The following PPP2R2C variants were observed in gnomAD, a reference collection of about 807,000 sequenced individuals.
PPP2R2C encodes protein phosphatase 2, regulatory subunit B, gamma.
Under a neutral mutation model 45.3 loss-of-function variants are expected in PPP2R2C, and 10 were observed. That is an observed-to-expected ratio of 0.22 (90% CI 0.14 to 0.37). The LOEUF (loss-of-function observed/expected upper bound fraction) is 0.37, where lower values mean the gene tolerates loss of function less well. PPP2R2C is among the 10% of genes least tolerant of loss of function. PPP2R2C has a pLI of 1.00. For synonymous variants in PPP2R2C, 257 were observed against 245.4 expected (o/e 1.05, Z -0.44); for missense variants, 308 against 619.7 (o/e 0.50, Z 5.34).
intron 5 of PPP2R2C, among the ~76,000 whole-genome samples, chr4:6,352,569 A>G (rs930351110): frequency 6.6e-6 from 1 of 152,090 alleles, no homozygotes; most frequent in African/African-American, 2.4e-5. Flanking sequence ...TTCCCTTCCA[A>G]TCACACTCTA....
chr4:6,333,486 G>A (rs1033781865), intron 7 of PPP2R2C, 76 bp downstream of exon 7: 1 of 1,521,158 alleles, frequency 6.6e-7, no homozygotes, highest in Non-Finnish European at 8.9e-7. Context: ...CGCCTGGCTA[G>A]GAAGGCCCCC....
intron 1 of PPP2R2C, among the ~76,000 whole-genome samples, chr4:6,424,251 C>T (rs1426770965): frequency 6.6e-6 from 1 of 152,350 alleles, no homozygotes; most frequent in East Asian, 1.9e-4. Flanking sequence ...ACTGTCCCAT[C>T]ATCACCCTCA....
chr4:6,364,482 G>GT lies in PPP2R2C; in HGVS notation c.625+8040dup, dbSNP rs562722645. 6.7e-3 allele frequency among the ~76,000 whole-genome samples: 995 copies of GT among 149,214 alleles called. 10 individuals carry two copies. The highest frequency in any genetic ancestry group is 0.023 in the African/African-American group (918 of 40,760). ...GAGCAAGGAGTGACATGATCTTGTCGTTTTTTTTTTTCTCATGTTGTAGGA... is the reference window on the plus strand; with the variant it reads ...GAGCAAGGAGTGACATGATCTTGTCGTTTTTTTTTTTTCTCATGTTGTAGGA... On this transcript the variant is annotated intron_variant, in intron 5 of 8. Transcript: ENST00000382599. The surrounding 1 kb of genome is among the most constrained non-coding windows in gnomAD (Gnocchi z 5.3).
chr4:6,388,757 T>C (rs1716399795), intron 1 of PPP2R2C, among the ~76,000 whole-genome samples: 1 of 151,622 alleles, frequency 6.6e-6, no homozygotes, highest in Non-Finnish European at 1.5e-5. Context: ...TGGAACAGAG[T>C]CCTCCCTGGA....
At chr4:6,351,731 C>T (rs368833616) in intron 5 of PPP2R2C, among the ~76,000 whole-genome samples, 2 of 152,042 alleles carry the variant, frequency 1.3e-5, no homozygotes, top group East Asian at 1.9e-4. Flanking sequence ...GTAAGATCTC[C>T]GTGGGGAGGC....
chr4:6,492,472 C>T (rs1352395851), intron 2 of PPP2R2C, among the ~76,000 whole-genome samples: 2 of 152,220 alleles, frequency 1.3e-5, no homozygotes, highest in South Asian at 2.1e-4. Context: ...CACTCCAAGG[C>T]CTCTGCCCAC....
At chr4:6,473,248 A>C (rs1722012689), upstream of PPP2R2C, among the ~76,000 whole-genome samples, 1 of 152,134 alleles carries the variant, frequency 6.6e-6, no homozygotes, top group African/African-American at 2.4e-5. Context: ...ATACAGAGCT[A>C]GGTACCTCCA....
At chr4:6,497,479 A>G (rs1224795353) in intron 2 of PPP2R2C, among the ~76,000 whole-genome samples, 1 of 152,192 alleles carries the variant, frequency 6.6e-6, no homozygotes, top group East Asian at 1.9e-4. Flanking sequence ...GAAAAGAAAA[A>G]AAAATTAAAA....
Position 6,375,878 on chromosome 4 carries a change from AT to A in PPP2R2C, c.387del (p.Tyr130ThrfsTer3), listed in dbSNP as rs1715260702. 6.2e-7 allele frequency: 1 copy of A among 1,614,072 alleles called. No homozygotes were observed. Among genetic ancestry groups the A allele is most frequent in the Non-Finnish European group, 8.5e-7 (1 of 1,180,026 alleles). On this transcript the variant is annotated frameshift_variant, in exon 4 of 9. Coordinates refer to ENST00000382599, the MANE Select transcript of PPP2R2C (RefSeq NM_020416.4). LOFTEE classifies it high-confidence loss of function. The part of the protein sequence containing the change: ...KITERDKRPE[G>X]YNLKDEEGKL... ...TTCCCCTCTTCATCCTTCAGGTTGTATCCTTCGGGCCTTTTATCTCGTTCGG... is the reference window on the plus strand; with the variant it reads ...TTCCCCTCTTCATCCTTCAGGTTGTACCTTCGGGCCTTTTATCTCGTTCGG...
intron 2 of PPP2R2C, among the ~76,000 whole-genome samples, chr4:6,535,025 G>C (rs968247468): frequency 5.9e-5 from 9 of 152,260 alleles, no homozygotes; most frequent in African/African-American, 2.2e-4. Flanking sequence ...GGCGCATGAA[G>C]GGGGCCTCAC....
intron 2 of PPP2R2C, among the ~76,000 whole-genome samples, chr4:6,505,629 A>C (rs1410023445): frequency 6.6e-6 from 1 of 152,236 alleles, no homozygotes; most frequent in African/African-American, 2.4e-5. Flanking sequence ...GCAGAGATAG[A>C]GATTTAAAAG....
intron 2 of PPP2R2C, among the ~76,000 whole-genome samples, chr4:6,520,544 C>G (rs1364663439): frequency 2.0e-5 from 3 of 152,198 alleles, no homozygotes; most frequent in Admixed American, 6.5e-5. Flanking sequence ...AGGGCCATCC[C>G]CAGGGCACAA....
At chr4:6,337,110 G>GTATA (rs1207923428) in intron 6 of PPP2R2C, among the ~76,000 whole-genome samples, 427 of 41,152 alleles carry the variant, frequency 0.01, 3 homozygotes, top group Middle Eastern at 0.024. Flanking sequence ...GTATGTGTGT[G>GTATA]TGTATATATA....
At chr4:6,339,001 C>T (rs763818988) in intron 6 of PPP2R2C, among the ~76,000 whole-genome samples, 2 of 152,364 alleles carry the variant, frequency 1.3e-5, no homozygotes, top group African/African-American at 2.4e-5. Flanking sequence ...AATAAAACTA[C>T]GGAGGGATTC....
chr4:6,373,110 C>T (rs1425341507), intron 4 of PPP2R2C, among the ~76,000 whole-genome samples: 1 of 152,204 alleles, frequency 6.6e-6, no homozygotes, highest in East Asian at 1.9e-4. Context: ...GACATGGCCA[C>T]ATGACTAGTT....
intron 1 of PPP2R2C, among the ~76,000 whole-genome samples, chr4:6,538,618 A>G (rs977596989): frequency 1.3e-5 from 2 of 152,208 alleles, no homozygotes; most frequent in Non-Finnish European, 2.9e-5. Context: ...TAAAACCTCA[A>G]GTCATCCACC....
chr4:6,385,346 T>C (rs1481510061), intron 1 of PPP2R2C, among the ~76,000 whole-genome samples: 1 of 152,206 alleles, frequency 6.6e-6, no homozygotes, highest in African/African-American at 2.4e-5. Flanking sequence ...CTTCAGGATT[T>C]GCCTTAGGAA....
chr4:6,359,625 A>G (rs1045542769), intron 5 of PPP2R2C, among the ~76,000 whole-genome samples: 1 of 22,472 alleles, frequency 4.4e-5, no homozygotes, highest in Non-Finnish European at 1.5e-4. Flanking sequence ...TTTCACCTGT[A>G]AAAAAAAAAA....
intron 1 of PPP2R2C, among the ~76,000 whole-genome samples, chr4:6,442,444 G>A (rs1370939822): frequency 6.6e-6 from 1 of 152,242 alleles, no homozygotes. Context: ...AGTCCGTGGG[G>A]CCACCAAGCC....
Sources: allele counts gnomAD v4.1 joint callset (sites outside exome capture counted in the v4.1 genomes callset), GRCh38; gene constraint gnomAD v4.1.1; non-coding constraint Gnocchi (gnomAD v3.1); transcripts MANE v1.5; gene names NCBI Gene and HGNC (gene_info 2026-07-23, HGNC 2026-07-21).